The following TMPRSS11F variants were observed in gnomAD, a reference collection of about 807,000 sequenced individuals.
TMPRSS11F encodes the protein transmembrane protease serine 11F.
TMPRSS11F carries 47 observed loss-of-function variants against 60.2 expected under a neutral mutation model. The observed-to-expected ratio is 0.78, with a 90% CI of 0.62 to 1.00. The LOEUF (loss-of-function observed/expected upper bound fraction) is 1.00, where lower values mean the gene tolerates loss of function less well. Among genes scored for constraint, TMPRSS11F ranks in the 50% least tolerant of loss-of-function variants. The probability of loss-of-function intolerance (pLI) is 0.00; values close to 1 mark genes in which losing one functional copy is unlikely to be tolerated. For synonymous variants in TMPRSS11F, 166 were observed against 167.3 expected (o/e 0.99, Z 0.06); for missense variants, 519 against 522.9 (o/e 0.99, Z 0.07).
intron 3 of TMPRSS11F, among the ~76,000 whole-genome samples, chr4:68,074,548 C>T (rs1290227269): frequency 1.3e-5 from 2 of 152,156 alleles, no homozygotes; most frequent in African/African-American, 4.8e-5. Context: ...CATCACTAGA[C>T]CATTTGACAT....
At position 68,122,033 on chromosome 4, in the gene TMPRSS11F, T is replaced by A. The variant is rs150990211; in HGVS notation, c.11+7777A>T. ...ATAATTTTTAAATAACCACTTTTTT[T>A]ATTTTTGAATATTTGAGTATGTATT... On this transcript the variant is annotated intron_variant, in intron 1 of 9. Transcript: ENST00000356291. Among the ~76,000 whole-genome samples the A allele has an allele frequency of 7.9e-3, 1,200 of 152,326 alleles. 18 individuals are homozygous for A. The highest frequency in any genetic ancestry group is 0.026 in the African/African-American group (1,098 of 41,556).
chr4:68,066,202 T>G (rs1317634673), intron 7 of TMPRSS11F, among the ~76,000 whole-genome samples: 5 of 152,022 alleles, frequency 3.3e-5, no homozygotes, highest in Non-Finnish European at 7.4e-5. Flanking sequence ...TAAGATTTTA[T>G]TCAAACCTGA....
chr4:68,081,812 C>T (rs1232089230), intron 3 of TMPRSS11F, among the ~76,000 whole-genome samples: 3 of 152,052 alleles, frequency 2.0e-5, no homozygotes, highest in Non-Finnish European at 4.4e-5. Flanking sequence ...GGCTTTTGGG[C>T]ATAGAAAGAT....
chr4:68,091,701 A>C (rs1206541463), intron 2 of TMPRSS11F, among the ~76,000 whole-genome samples: 1 of 150,412 alleles, frequency 6.6e-6, no homozygotes, highest in East Asian at 2.0e-4. Flanking sequence ...TATCCAATTA[A>C]TTTTTCAGTC....
chr4:68,118,233 A>T (rs1724563736), intron 1 of TMPRSS11F, among the ~76,000 whole-genome samples: 1 of 152,216 alleles, frequency 6.6e-6, no homozygotes, highest in Non-Finnish European at 1.5e-5. Context: ...AACCAGTGTG[A>T]GGCTGAAGTT....
intron 1 of TMPRSS11F, among the ~76,000 whole-genome samples, chr4:68,099,298 G>T (rs137925648): frequency 1.3e-5 from 2 of 152,226 alleles, no homozygotes; most frequent in African/African-American, 4.8e-5. Context: ...CGGCTTATTG[G>T]CAATTTAAAA....
chr4:68,058,741 A>G (rs1382523002), intron 9 of TMPRSS11F, among the ~76,000 whole-genome samples: 2 of 152,236 alleles, frequency 1.3e-5, no homozygotes, highest in Admixed American at 1.3e-4. Context: ...ACTAGGGTAT[A>G]ACATAGTAAG....
At chr4:68,095,092 A>G (rs6818285) in intron 2 of TMPRSS11F, among the ~76,000 whole-genome samples, 58,459 of 151,486 alleles carry the variant, frequency 0.39, 12,942 homozygotes, top group Non-Finnish European at 0.52. Flanking sequence ...TTATTCATTA[A>G]TCTCGAAAGA....
chr4:68,073,921 T>G lies in TMPRSS11F; in HGVS notation c.350+21A>C, dbSNP rs370077272. ...TCATCTTAACAGTATTAACTTGAAA[T>G]TATAAACCAAATTTACATACCTTAA... On this transcript the variant is annotated intron_variant, in intron 4 of 9. Transcript: ENST00000356291. 4.9e-5 allele frequency: 74 copies of G among 1,511,816 alleles called. No homozygotes were observed. The Middle Eastern group carries it at 8.6e-4, about 18-fold the overall frequency. The allele number at this position is 1,511,816 out of a possible 1,614,324, so 93.7% of individuals were successfully genotyped here.
At chr4:68,057,826 A>C (rs1723078372) in intron 9 of TMPRSS11F, among the ~76,000 whole-genome samples, 1 of 152,240 alleles carries the variant, frequency 6.6e-6, no homozygotes, top group African/African-American at 2.4e-5. Context: ...CTCAGTGTTC[A>C]TCAATGTGTG....
intron 1 of TMPRSS11F, among the ~76,000 whole-genome samples, chr4:68,103,864 T>TG (rs1724244152): frequency 1.4e-4 from 22 of 152,316 alleles, no homozygotes; most frequent in Admixed American, 1.1e-3. Context: ...GATCTTTCAC[T>TG]TCCTTGGTTA....
At chr4:68,098,241 G>C (rs921626183) in intron 2 of TMPRSS11F, among the ~76,000 whole-genome samples, 4 of 152,044 alleles carry the variant, frequency 2.6e-5, no homozygotes, top group African/African-American at 7.2e-5. Flanking sequence ...GGAAGTGGAG[G>C]TTGCAATGAG....
intron 1 of TMPRSS11F, among the ~76,000 whole-genome samples, chr4:68,101,581 T>A (rs1724190871): frequency 6.6e-6 from 1 of 152,190 alleles, no homozygotes; most frequent in Non-Finnish European, 1.5e-5. Context: ...GACATTTAAA[T>A]TCCCTAATGC....
At position 68,099,515 on chromosome 4, in the gene TMPRSS11F, C is replaced by A. The variant is rs530019697; in HGVS notation, c.12-477G>T. Among the ~76,000 whole-genome samples the A allele has an allele frequency of 2.6e-5, 4 of 152,232 alleles. No individual in the cohort carries two copies. In the South Asian group the frequency reaches 8.3e-4, roughly 32 times the overall value. On this transcript the variant is annotated intron_variant, in intron 1 of 9. Coordinates refer to ENST00000356291, the MANE Select transcript of TMPRSS11F (RefSeq NM_207407.2). ...GTAAGATTCCACCACTCATGAGCAT[C>A]CTTCACTTACATTTGACTCACATGA...
At chr4:68,115,202 G>A (rs1357962797) in intron 1 of TMPRSS11F, among the ~76,000 whole-genome samples, 1 of 150,512 alleles carries the variant, frequency 6.6e-6, no homozygotes, top group Non-Finnish European at 1.5e-5. Flanking sequence ...TACAAAAAAA[G>A]AAAAATTAGC....
intron 1 of TMPRSS11F, among the ~76,000 whole-genome samples, chr4:68,128,953 T>A (rs1380729040): frequency 6.6e-6 from 1 of 152,098 alleles, no homozygotes; most frequent in East Asian, 1.9e-4. Context: ...AGTATTTAGG[T>A]TAATTGAAGA....
At position 68,066,440 on chromosome 4, in the gene TMPRSS11F, C is replaced by T. The variant is rs566747136; in HGVS notation, c.756-1496G>A. Among the ~76,000 whole-genome samples, 18 of 152,200 alleles carry T rather than the reference C, an allele frequency of 1.2e-4. No homozygotes were observed. The East Asian group carries it at 1.7e-3, about 15-fold the overall frequency. Reference sequence around the variant, plus strand: ...ATACGAAAATTAAGACCCAGAAGTTCGGTGATTTGTGCAGGTAAGTGACAC... The same window carrying T: ...ATACGAAAATTAAGACCCAGAAGTTTGGTGATTTGTGCAGGTAAGTGACAC... On this transcript the variant is annotated intron_variant, in intron 7 of 9. Transcript: ENST00000356291.
intron 1 of TMPRSS11F, among the ~76,000 whole-genome samples, chr4:68,127,340 TGTCA>T (rs1724733973): frequency 6.6e-6 from 1 of 152,150 alleles, no homozygotes; most frequent in Non-Finnish European, 1.5e-5. Context: ...TGTAGCAGCA[TGTCA>T]GTATTTGTTT....
intron 1 of TMPRSS11F, among the ~76,000 whole-genome samples, chr4:68,115,010 AAAG>A (rs1553888822): frequency 3.6e-5 from 5 of 137,164 alleles, no homozygotes; most frequent in African/African-American, 1.0e-4. Context: ...AAAAAAAAAA[AAAG>A]AAGAAGAACA....
Sources: allele counts gnomAD v4.1 joint callset (sites outside exome capture counted in the v4.1 genomes callset), GRCh38; gene constraint gnomAD v4.1.1; transcripts MANE v1.5; gene names NCBI Gene and HGNC (gene_info 2026-07-23, HGNC 2026-07-21).